The following KAT14 variants were observed in gnomAD, a reference collection of about 807,000 sequenced individuals.
The protein encoded by KAT14 is cysteine-rich protein 2-binding protein.
KAT14 carries 66 observed loss-of-function variants against 78.4 expected under a neutral mutation model. The ratio of observed to expected loss-of-function variants is 0.84; its 90% CI spans 0.69 to 1.03. The LOEUF is 1.03. Ranked by LOEUF, KAT14 falls within the 50% of genes least tolerant of loss-of-function variation. KAT14 has a pLI of 0.00. For synonymous variants in KAT14, 344 were observed against 359.4 expected (o/e 0.96, Z 0.48); for missense variants, 870 against 972.5 (o/e 0.89, Z 1.40).
At chr20:18,182,974 A>G (rs2039315997) in intron 8 of KAT14, 149 bp from the exon 9 acceptor site, 4 of 1,130,792 alleles carry the variant, frequency 3.5e-6, no homozygotes, top group South Asian at 3.5e-5. Context: ...ACATAAAAGT[A>G]TAGCTGTAAT....
intron 5 of KAT14, among the ~76,000 whole-genome samples, chr20:18,161,336 G>C (rs1014133877): frequency 6.6e-6 from 1 of 152,026 alleles, no homozygotes; most frequent in Non-Finnish European, 1.5e-5. Context: ...ATTAAGAGGC[G>C]TGCACCACCA....
intron 7 of KAT14, among the ~76,000 whole-genome samples, chr20:18,166,079 C>T (rs376447174): frequency 6.6e-6 from 1 of 152,150 alleles, no homozygotes; most frequent in Non-Finnish European, 1.5e-5. Flanking sequence ...AATAGATAAT[C>T]GGTGCTGCGA....
intron 7 of KAT14, among the ~76,000 whole-genome samples, chr20:18,164,824 A>G (rs1243787354): frequency 1.3e-5 from 2 of 151,822 alleles, no homozygotes; most frequent in African/African-American, 2.4e-5. Flanking sequence ...ACAGGGTCCT[A>G]CTATCTTGCC....
chr20:18,175,329 G>A (rs1050417905), intron 7 of KAT14, among the ~76,000 whole-genome samples: 6 of 152,074 alleles, frequency 3.9e-5, no homozygotes, highest in South Asian at 2.1e-4. Flanking sequence ...CTGCTCTGGC[G>A]TTACCTTCCA....
At chr20:18,153,635 A>G (rs1206516207) in intron 4 of KAT14, among the ~76,000 whole-genome samples, 1 of 152,200 alleles carries the variant, frequency 6.6e-6, no homozygotes, top group Non-Finnish European at 1.5e-5. Flanking sequence ...TTCTGAGAGG[A>G]ATCAGCTGAG....
At chr20:18,185,441 A>G (rs1169861739) in intron 10 of KAT14, among the ~76,000 whole-genome samples, 1 of 152,128 alleles carries the variant, frequency 6.6e-6, no homozygotes, top group African/African-American at 2.4e-5. Context: ...GGTTCAAGCA[A>G]TCCTTCCACC....
chr20:18,150,769 T>G (rs2038003677), intron 3 of KAT14, 52 bp from the exon 4 acceptor site: 2 of 1,607,322 alleles, frequency 1.2e-6, no homozygotes, highest in Non-Finnish European at 1.7e-6. Context: ...CCCTCAAGAT[T>G]AACATCCCTA....
At chr20:18,176,608 C>T (rs1479753453) in intron 7 of KAT14, among the ~76,000 whole-genome samples, 10 of 151,458 alleles carry the variant, frequency 6.6e-5, no homozygotes, top group Non-Finnish European at 1.5e-4. Context: ...GATGAAGGGT[C>T]AGTGTGGAAG....
chr20:18,166,577 C>T (rs1429130834), intron 7 of KAT14, among the ~76,000 whole-genome samples: 6 of 152,144 alleles, frequency 3.9e-5, no homozygotes, highest in African/African-American at 1.2e-4. Context: ...AGAAGGAAAA[C>T]TTTGAAGAGG....
Position 18,162,704 on chromosome 20 carries a change from C to T in KAT14, c.1427C>T (p.Ala476Val). The change falls in exon 7 of 11, where the codon GCT (alanine) becomes GTT (valine). Residue 476 changes from alanine to valine, a missense_variant. By Grantham distance (64) the Ala-to-Val change is moderately conservative. Transcript: ENST00000688188. Reference protein sequence around the residue: ...EEKLLLKRLEACPGAVAMTPE... With the variant: ...EEKLLLKRLEVCPGAVAMTPE... Reference sequence around the variant, plus strand: ...AAGCTGCTGCTCAAGAGGCTGGAAGCTTGTCCCGGTGCTGTTGCCATGACT... The same window carrying T: ...AAGCTGCTGCTCAAGAGGCTGGAAGTTTGTCCCGGTGCTGTTGCCATGACT... 6.2e-7 allele frequency: 1 copy of T among 1,614,218 alleles called. No individual in the cohort carries two copies. The highest frequency in any genetic ancestry group is 8.5e-7 in the Non-Finnish European group (1 of 1,180,042).
At position 18,182,927 on chromosome 20, in the gene KAT14, G is replaced by C. The variant is rs187660911; in HGVS notation, c.1806-196G>C. 2.0e-5 allele frequency among the ~76,000 whole-genome samples: 3 copies of C among 152,244 alleles called. No homozygotes were observed. In the East Asian group the frequency reaches 5.8e-4, roughly 29 times the overall value. ...GTCCCTGGTGGGTACAGAGGGCTTT[G>C]GCCTGATGAATGTTCAGAGTGAATT... On this transcript the variant is annotated intron_variant, in intron 8 of 10. Coordinates refer to ENST00000688188, the MANE Select transcript of KAT14 (RefSeq NM_001392073.1).
At position 18,181,822 on chromosome 20, in the gene KAT14, C is replaced by T. The variant is rs200258495; in HGVS notation, c.1781C>T (p.Ser594Phe). 83 of 1,613,994 alleles carry T rather than the reference C, an allele frequency of 5.1e-5. No individual in the cohort carries two copies. Among genetic ancestry groups the T allele is most frequent in the Non-Finnish European group, 2.5e-5 (30 of 1,180,014 alleles). Residue 594 changes from serine to phenylalanine, a missense_variant, in exon 8 of 11, where the codon TCT becomes TTT. Coordinates refer to ENST00000688188, the MANE Select transcript of KAT14 (RefSeq NM_001392073.1). ...VDQSIVSPYT[S>F]RILKPYIRRD... The stretch of plus-strand genomic sequence containing the variant: ...CAGAGTATTGTCAGCCCTTATACCT[C>T]TCGGATCTTGAAACCTTATATCAGG...
At chr20:18,158,833 C>T (rs918655069) in intron 4 of KAT14, among the ~76,000 whole-genome samples, 1 of 152,184 alleles carries the variant, frequency 6.6e-6, no homozygotes, top group African/African-American at 2.4e-5. Flanking sequence ...TTAATCCTCA[C>T]AGCAACCCTG....
rs1185084394 is a variant in KAT14, at chr20:18,162,156, C to CT, written c.1017dup (p.Ala340CysfsTer8). ...CTGGATTTCTCTGCCCCTGGTACAC[C>CT]TGCCTCTCATTCTGCCACACCTAGC... On this transcript the variant is annotated frameshift_variant, in exon 6 of 11. Transcript: ENST00000688188. LOFTEE classifies it high-confidence loss of function. 1.2e-6 allele frequency: 2 copies of CT among 1,614,260 alleles called. No homozygotes were observed. Among genetic ancestry groups the CT allele is most frequent in the African/African-American group, 2.7e-5 (2 of 75,074 alleles).
chr20:18,158,024 G>A (rs905009893), intron 4 of KAT14, among the ~76,000 whole-genome samples: 11 of 152,024 alleles, frequency 7.2e-5, no homozygotes, highest in East Asian at 1.9e-4. Context: ...TGCAGCCTCC[G>A]CCTCTCGGGT....
At position 18,183,274 on chromosome 20, in the gene KAT14, A is replaced by G. The variant is rs748551336; in HGVS notation, c.1957A>G (p.Met653Val). The G allele has an allele frequency of 2.5e-6, 4 of 1,613,662 alleles. No individual in the cohort carries two copies. Among genetic ancestry groups the G allele is most frequent in the African/African-American group, 1.3e-5 (1 of 74,854 alleles). The change falls in exon 9 of 11, where the codon ATG becomes GTG. Residue 653 changes from methionine (M) to valine (V), a missense_variant. Met to Val is a conservative substitution (Grantham distance 21). Coordinates refer to ENST00000688188, the MANE Select transcript of KAT14 (RefSeq NM_001392073.1). ...AAATCACATCCCAACGATCAACTCC[A>G]TGTGTCAGGAGTTTTTTTGGCCTGG... ...RPNHIPTINSMCQEFFWPGID... is the reference protein window; with the variant it reads ...RPNHIPTINSVCQEFFWPGID...
chr20:18,175,804 A>G (rs907087340), intron 7 of KAT14, among the ~76,000 whole-genome samples: 1 of 151,524 alleles, frequency 6.6e-6, no homozygotes, highest in Non-Finnish European at 1.5e-5. Flanking sequence ...AGATCACTTG[A>G]GCTCAGGAGT....
intron 8 of KAT14, 89 bp from the exon 9 acceptor site, chr20:18,183,034 G>T: frequency 6.7e-7 from 1 of 1,501,490 alleles, no homozygotes. Context: ...GTTTCAAGCA[G>T]ATCAAAGAGT....
At chr20:18,146,990 C>T (rs1266333306) in intron 3 of KAT14, among the ~76,000 whole-genome samples, 1 of 152,190 alleles carries the variant, frequency 6.6e-6, no homozygotes, top group Non-Finnish European at 1.5e-5. Context: ...TGCCCCAAGA[C>T]AGCTGACATT....
Sources: allele counts gnomAD v4.1 joint callset (sites outside exome capture counted in the v4.1 genomes callset), GRCh38; gene constraint gnomAD v4.1.1; transcripts MANE v1.5; gene names NCBI Gene and HGNC (gene_info 2026-07-23, HGNC 2026-07-21).